PLXNC1: variants seen among roughly 807,000 people sequenced by gnomAD.
The protein encoded by PLXNC1 is plexin-C1.
PLXNC1 carries 75 observed loss-of-function variants against 178.2 expected under a neutral mutation model. The observed-to-expected ratio is 0.42, with a 90% CI of 0.35 to 0.51. The LOEUF (loss-of-function observed/expected upper bound fraction) is 0.51. PLXNC1 is among the 20% of genes least tolerant of loss of function. PLXNC1 has a pLI of 0.02. For synonymous variants in PLXNC1, 790 were observed against 779.9 expected (o/e 1.01, Z -0.22); for missense variants, 1,503 against 1,984.4 (o/e 0.76, Z 4.61).
chr12:94,176,582 T>A (rs955276186), intron 2 of PLXNC1, among the ~76,000 whole-genome samples: 34 of 152,232 alleles, frequency 2.2e-4, no homozygotes, highest in African/African-American at 8.0e-4. Context: ...CAAGGATTTT[T>A]AAATTTAAAT....
chr12:94,243,727 T>G lies in PLXNC1; in HGVS notation c.2301-211T>G, dbSNP rs1592803194. Among the ~76,000 whole-genome samples, 3 of 152,378 alleles carry G rather than the reference T, an allele frequency of 2.0e-5. No individual in the cohort carries two copies. The East Asian group carries it at 5.8e-4, about 29-fold the overall frequency. ...AAATAGGATCTGACCTGAATTTTTA[T>G]ATTTATGCATCTTGAAACCCATGAA... On this transcript the variant is annotated intron_variant, in intron 11 of 30. Transcript: ENST00000258526.
chr12:94,238,309 A>G lies in PLXNC1; in HGVS notation c.2120+506A>G, dbSNP rs915037294. ...TTTGGTTTCAGCCTCCAAAAATTAA[A>G]TTACTACTACATATAATGGTAGTAA... On this transcript the variant is annotated intron_variant, in intron 10 of 30. Coordinates refer to ENST00000258526, the MANE Select transcript of PLXNC1 (RefSeq NM_005761.3). 2.6e-5 allele frequency among the ~76,000 whole-genome samples: 4 copies of G among 152,336 alleles called. No homozygotes were observed. In the South Asian group the frequency reaches 6.2e-4, roughly 24 times the overall value.
intron 10 of PLXNC1, 81 bp downstream of exon 10, chr12:94,237,884 C>A: frequency 7.2e-7 from 1 of 1,396,996 alleles, no homozygotes; most frequent in Non-Finnish European, 9.8e-7. Context: ...TGATTATAAC[C>A]TTAATATAGT....
chr12:94,201,329 A>T (rs889229847), intron 4 of PLXNC1, among the ~76,000 whole-genome samples: 1 of 152,258 alleles, frequency 6.6e-6, no homozygotes, highest in African/African-American at 2.4e-5. Context: ...GCCAAAGGGC[A>T]TCTGGTCAAC....
At chr12:94,299,607 T>C (rs1040815336) in intron 27 of PLXNC1, among the ~76,000 whole-genome samples, 2 of 152,188 alleles carry the variant, frequency 1.3e-5, no homozygotes, top group Admixed American at 1.3e-4. Flanking sequence ...TTGCCCAGGC[T>C]GCAGTGCAGT....
intron 15 of PLXNC1, among the ~76,000 whole-genome samples, chr12:94,252,797 T>A (rs1964733404): frequency 6.6e-6 from 1 of 152,192 alleles, no homozygotes; most frequent in Non-Finnish European, 1.5e-5. Flanking sequence ...CTAGGCCATT[T>A]AACTCATCTA....
intron 4 of PLXNC1, among the ~76,000 whole-genome samples, chr12:94,197,730 T>G (rs1962970253): frequency 6.6e-6 from 1 of 152,120 alleles, no homozygotes; most frequent in Non-Finnish European, 1.5e-5. Flanking sequence ...TACTACTGGT[T>G]GTACAAGTAA....
At chr12:94,160,787 G>A (rs369301081) in intron 1 of PLXNC1, among the ~76,000 whole-genome samples, 4 of 152,156 alleles carry the variant, frequency 2.6e-5, no homozygotes, top group African/African-American at 9.7e-5. Flanking sequence ...GAAAACATTG[G>A]ATTGCAAAAT....
chr12:94,220,626 C>G (rs554289693), intron 6 of PLXNC1, among the ~76,000 whole-genome samples: 1 of 152,282 alleles, frequency 6.6e-6, no homozygotes, highest in Admixed American at 6.5e-5. Flanking sequence ...AGTGACTCCC[C>G]CTTGCCCCTA....
rs1361452559 is a variant in PLXNC1, at chr12:94,240,729, AT to A, written c.2300+69del. 1.7e-5 allele frequency: 21 copies of A among 1,237,608 alleles called. No individual in the cohort carries two copies. The East Asian group carries it at 5.0e-4, about 29-fold the overall frequency. 76.7% of individuals were successfully genotyped at this position (1,237,608 alleles called of 1,614,324 possible). ...AAGGTCATATGCCCAAAGATCATTG[AT>A]TTTATTCAAGTAAATTCAGAAACAG... On this transcript the variant is annotated intron_variant, in intron 11 of 30. Transcript: ENST00000258526.
chr12:94,295,985 T>A (rs1357763192), intron 24 of PLXNC1, among the ~76,000 whole-genome samples: 4 of 152,196 alleles, frequency 2.6e-5, no homozygotes, highest in African/African-American at 9.6e-5. Context: ...TCTTCCTTGA[T>A]GCTTGTAGGC....
chr12:94,273,613 C>T (rs888704339), intron 21 of PLXNC1, among the ~76,000 whole-genome samples: 12 of 152,168 alleles, frequency 7.9e-5, no homozygotes, highest in Non-Finnish European at 1.0e-4. Flanking sequence ...CACATTCTAC[C>T]TGGCATTAGA....
chr12:94,221,851 G>T (rs1437481991), intron 6 of PLXNC1, among the ~76,000 whole-genome samples: 1 of 152,140 alleles, frequency 6.6e-6, no homozygotes, highest in African/African-American at 2.4e-5. Context: ...TCATGAGGGT[G>T]CAGCCCTCAT....
At chr12:94,221,249 A>G (rs1302222800) in intron 6 of PLXNC1, among the ~76,000 whole-genome samples, 2 of 152,238 alleles carry the variant, frequency 1.3e-5, no homozygotes, top group Non-Finnish European at 2.9e-5. Context: ...TGTTTCTTGA[A>G]TGAATGAATG....
chr12:94,196,741 G>T (rs949050187), intron 4 of PLXNC1, among the ~76,000 whole-genome samples: 1 of 152,144 alleles, frequency 6.6e-6, no homozygotes, highest in Non-Finnish European at 1.5e-5. Flanking sequence ...GTGTGCATGG[G>T]TAGAGAAGAA....
At chr12:94,296,771 C>T (rs1318688218) in intron 24 of PLXNC1, among the ~76,000 whole-genome samples, 1 of 152,218 alleles carries the variant, frequency 6.6e-6, no homozygotes, top group Admixed American at 6.5e-5. Context: ...ACCTTTATCA[C>T]AGTTATAATA....
At chr12:94,174,241 G>C (rs1032285683) in intron 2 of PLXNC1, among the ~76,000 whole-genome samples, 1 of 151,802 alleles carries the variant, frequency 6.6e-6, no homozygotes, top group Non-Finnish European at 1.5e-5. Flanking sequence ...CTGGAGTGCA[G>C]TGGTGCAGTC....
intron 15 of PLXNC1, 79 bp from the exon 16 acceptor site, chr12:94,254,708 A>G: frequency 1.1e-6 from 1 of 950,506 alleles, no homozygotes; most frequent in East Asian, 2.5e-5. Flanking sequence ...GTTTTTAAGA[A>G]CTGTAAAGAT....
intron 23 of PLXNC1, among the ~76,000 whole-genome samples, chr12:94,284,229 C>T (rs1292910946): frequency 6.6e-6 from 1 of 152,148 alleles, no homozygotes; most frequent in African/African-American, 2.4e-5. Context: ...TCCTAAACCA[C>T]AATCCCAATC....
Sources: allele counts gnomAD v4.1 joint callset (sites outside exome capture counted in the v4.1 genomes callset), GRCh38; gene constraint gnomAD v4.1.1; transcripts MANE v1.5; gene names NCBI Gene and HGNC (gene_info 2026-07-23, HGNC 2026-07-21).